Variants in FMN2 observed in about 807,000 individuals in gnomAD.
FMN2 encodes formin 2.
A neutral mutation model predicts 142.3 loss-of-function variants in FMN2; 51 were observed. The ratio of observed to expected loss-of-function variants is 0.36; its 90% CI spans 0.29 to 0.45. The LOEUF (loss-of-function observed/expected upper bound fraction) is 0.45, where lower values mean the gene tolerates loss of function less well. Ranked by LOEUF, FMN2 falls within the 20% of genes least tolerant of loss-of-function variation. The probability of loss-of-function intolerance (pLI) is 1.00; values close to 1 mark genes in which losing one functional copy is unlikely to be tolerated. For synonymous variants in FMN2, 882 were observed against 869.8 expected, an observed-to-expected ratio of 1.01 and a Z score of -0.25; for missense variants, 1,936 against 2,122.8, an observed-to-expected ratio of 0.91 and a Z score of 1.73.
At chr1:240,134,792 C>A (rs965488902) in intron 2 of FMN2, among the ~76,000 whole-genome samples, 1 of 152,130 alleles carries the variant, frequency 6.6e-6, no homozygotes, top group Non-Finnish European at 1.5e-5. Flanking sequence ...TGCCATCCTC[C>A]TTTCTCAATC....
At position 240,093,098 on chromosome 1, in the gene FMN2, CG is replaced by C; in HGVS notation, c.994del (p.Glu332ArgfsTer120). The C allele has an allele frequency of 7.2e-7, 1 of 1,396,718 alleles. No homozygotes were observed. 86.5% of individuals were successfully genotyped at this position (1,396,718 alleles called of 1,614,324 possible). A position where few individuals can be genotyped will look rare whatever the true frequency, so the allele number is the denominator to read the frequency against. On this transcript the variant is annotated frameshift_variant, in exon 1 of 18. Transcript: ENST00000319653. LOFTEE classifies it high-confidence loss of function. The part of the protein sequence containing the change: ...STAFPFPEAG[P>X]GEEAAGAPVR... ...GCTTTCCCATTTCCCGAGGCCGGGC[CG>C]GGGGAGGAAGCGGCCGGAGCCCCCG...
At chr1:240,317,932 C>A (rs1670847340) in intron 8 of FMN2, among the ~76,000 whole-genome samples, 1 of 152,186 alleles carries the variant, frequency 6.6e-6, no homozygotes. Flanking sequence ...CTAGCTGTTA[C>A]AATAGATTTG....
intron 5 of FMN2, among the ~76,000 whole-genome samples, chr1:240,210,306 T>G (rs2103400741): frequency 1.3e-5 from 2 of 151,464 alleles, no homozygotes; most frequent in Middle Eastern, 6.9e-3. Flanking sequence ...CATGATTCCT[T>G]GAATTTCCTT....
chr1:240,345,178 T>TG (rs1488161816), intron 13 of FMN2, among the ~76,000 whole-genome samples: 5 of 152,230 alleles, frequency 3.3e-5, no homozygotes, highest in African/African-American at 1.2e-4. Context: ...CTGATGAACT[T>TG]GCCCTACAGG....
At chr1:240,290,154 C>T (rs1669730034) in intron 7 of FMN2, among the ~76,000 whole-genome samples, 1 of 152,124 alleles carries the variant, frequency 6.6e-6, no homozygotes, top group Non-Finnish European at 1.5e-5. Context: ...TAATGTAATG[C>T]AGTCATCGAT....
At position 240,355,726 on chromosome 1, in the gene FMN2, A is replaced by AT. The variant is rs1672242729; in HGVS notation, c.4766-86dup. ...TATGCTGATTAGGGGAGTTAACAGA[A>AT]TTTTCTAACATTAGCTAAGATGTTT... On this transcript the variant is annotated intron_variant, in intron 13 of 17. Coordinates refer to ENST00000319653, the MANE Select transcript of FMN2 (RefSeq NM_020066.5). 12 of 839,642 alleles carry AT rather than the reference A, an allele frequency of 1.4e-5. No individual in the cohort carries two copies. In the South Asian group the frequency reaches 2.0e-4, roughly 14 times the overall value. The allele number at this position is 839,642 out of a possible 1,614,324, so 52.0% of individuals were successfully genotyped here.
At chr1:240,093,903 A>G (rs964503742) in intron 1 of FMN2, among the ~76,000 whole-genome samples, 179 bp downstream of exon 1, 2 of 152,214 alleles carry the variant, frequency 1.3e-5, no homozygotes, top group Non-Finnish European at 2.9e-5. Flanking sequence ...TGACTTGGAC[A>G]TACTTGTTGG....
intron 8 of FMN2, among the ~76,000 whole-genome samples, chr1:240,302,091 G>A (rs1670220876): frequency 6.6e-6 from 1 of 151,698 alleles, no homozygotes; most frequent in Admixed American, 6.6e-5. Flanking sequence ...ATCATATTGT[G>A]TACTTTCACT....
chr1:240,406,100 G>A lies in FMN2; in HGVS notation c.4910+13538G>A, dbSNP rs12735812. Among the ~76,000 whole-genome samples, 140 of 78,402 alleles carry A rather than the reference G, an allele frequency of 1.8e-3. 1 individual carries two copies. Among genetic ancestry groups the A allele is most frequent in the Non-Finnish European group, 2.5e-3 (102 of 40,474 alleles). 51.4% of individuals were successfully genotyped at this position (78,402 alleles called of 152,430 possible). A position where few individuals can be genotyped will look rare whatever the true frequency, so the allele number is the denominator to read the frequency against. On this transcript the variant is annotated intron_variant, in intron 15 of 17. Coordinates refer to ENST00000319653, the MANE Select transcript of FMN2 (RefSeq NM_020066.5). Reference sequence around the variant, plus strand: ...GGGGGGAGCGAAGGGAATCAGCCTCGGGAGTGGGGGAAGCGAAGGGAATCA... The same window carrying A: ...GGGGGGAGCGAAGGGAATCAGCCTCAGGAGTGGGGGAAGCGAAGGGAATCA...
At chr1:240,440,212 A>G (rs750126600) in intron 16 of FMN2, among the ~76,000 whole-genome samples, 1 of 152,152 alleles carries the variant, frequency 6.6e-6, no homozygotes, top group African/African-American at 2.4e-5. Flanking sequence ...TTCTTCTGCT[A>G]GCATAGACCA....
intron 14 of FMN2, among the ~76,000 whole-genome samples, chr1:240,363,398 G>A (rs182769337): frequency 4.6e-5 from 7 of 152,330 alleles, no homozygotes; most frequent in Admixed American, 2.6e-4. Flanking sequence ...TGAATTTGGT[G>A]TGATTTTCTG....
intron 1 of FMN2, among the ~76,000 whole-genome samples, chr1:240,111,047 G>T (rs1244986549): frequency 6.6e-6 from 1 of 152,156 alleles, no homozygotes; most frequent in Admixed American, 6.5e-5. Context: ...CAAGTAGAGA[G>T]TATTTGAAGT....
At chr1:240,272,141 G>A (rs1669038584) in intron 7 of FMN2, among the ~76,000 whole-genome samples, 1 of 151,992 alleles carries the variant, frequency 6.6e-6, no homozygotes, top group Non-Finnish European at 1.5e-5. Context: ...CACTAGGAGG[G>A]TGACTCTGTG....
intron 15 of FMN2, among the ~76,000 whole-genome samples, chr1:240,426,290 G>A (rs1185794729): frequency 1.6e-5 from 2 of 128,384 alleles, no homozygotes; most frequent in African/African-American, 5.3e-5. Context: ...CTCGGTTTGT[G>A]GTATGGCCTC....
chr1:240,450,072 T>C (rs1290062963), intron 16 of FMN2, among the ~76,000 whole-genome samples: 1 of 152,144 alleles, frequency 6.6e-6, no homozygotes, highest in African/African-American at 2.4e-5. Flanking sequence ...ATTTCTCATA[T>C]ACTTATTATA....
intron 14 of FMN2, among the ~76,000 whole-genome samples, chr1:240,391,785 G>A (rs934647499): frequency 6.6e-6 from 1 of 151,140 alleles, no homozygotes; most frequent in African/African-American, 2.4e-5. Flanking sequence ...GGAAATGGGT[G>A]AAGGTGAAGT....
intron 8 of FMN2, among the ~76,000 whole-genome samples, chr1:240,299,938 G>A (rs957730548): frequency 2.0e-5 from 3 of 152,084 alleles, no homozygotes; most frequent in Admixed American, 6.6e-5. Flanking sequence ...AAGGTGGCGC[G>A]CTGTATGAAG....
chr1:240,093,774 A>C (rs759499210), intron 1 of FMN2, 50 bp downstream of exon 1: 2 of 1,250,552 alleles, frequency 1.6e-6, no homozygotes, highest in East Asian at 6.3e-5. Context: ...CCTGTCAGTC[A>C]GGGCCTTCCC....
chr1:240,353,976 A>G (rs1672184120), intron 13 of FMN2, among the ~76,000 whole-genome samples: 1 of 152,288 alleles, frequency 6.6e-6, no homozygotes, highest in East Asian at 1.9e-4. Context: ...TCTGCAGAAG[A>G]TATCAGGACT....
Sources: allele counts gnomAD v4.1 joint callset (sites outside exome capture counted in the v4.1 genomes callset), GRCh38; gene constraint gnomAD v4.1.1; transcripts MANE v1.5; gene names NCBI Gene and HGNC (gene_info 2026-07-23, HGNC 2026-07-21).